SHTN1: variants seen among roughly 807,000 people sequenced by gnomAD.
The protein encoded by SHTN1 is shootin-1.
A neutral mutation model predicts 83.1 loss-of-function variants in SHTN1; 42 were observed. That is an observed-to-expected ratio of 0.51 (90% confidence interval 0.39 to 0.65). The LOEUF is 0.65. SHTN1 is among the 30% of genes least tolerant of loss of function. The pLI is 0.00. For missense variants in SHTN1, 622 were observed against 737.8 expected, an observed-to-expected ratio of 0.84 and a Z score of 1.82; for synonymous variants, 224 against 247.7, an observed-to-expected ratio of 0.90 and a Z score of 0.90.
At chr10:116,971,116 T>C (rs1053486343) in intron 2 of SHTN1, among the ~76,000 whole-genome samples, 1 of 152,194 alleles carries the variant, frequency 6.6e-6, no homozygotes, top group African/African-American at 2.4e-5. Flanking sequence ...TGAAATGTCA[T>C]ACTGTACCTG....
chr10:117,087,578 T>A (rs1260087678), intron 1 of SHTN1, among the ~76,000 whole-genome samples: 2 of 152,062 alleles, frequency 1.3e-5, no homozygotes, highest in African/African-American at 2.4e-5. Flanking sequence ...TACATAGAAA[T>A]CAACAAAAAG....
intron 3 of SHTN1, among the ~76,000 whole-genome samples, chr10:116,963,024 GAAT>G (rs1850239368): frequency 1.3e-5 from 1 of 79,262 alleles, no homozygotes; most frequent in Non-Finnish European, 2.5e-5. Context: ...TGCACATTTT[GAAT>G]AATAAAAGTT....
rs182309040 is a variant in SHTN1 at position 116,900,627 on chromosome 10, G to T, written c.1673+1138C>A. The T allele has an allele frequency of 2.3e-4, 356 of 1,523,064 alleles. 2 individuals are homozygous for T. In the African/African-American group the frequency reaches 4.3e-3, roughly 19 times the overall value. 94.3% of individuals were successfully genotyped at this position (1,523,064 alleles called of 1,614,324 possible). A position where few individuals can be genotyped will look rare whatever the true frequency, so the allele number is the denominator to read the frequency against. On this transcript the variant is annotated intron_variant, in intron 16 of 16. Transcript: ENST00000355371. ...AACTTGTCTCAGCCAAATTGCTTTTGTGTCTGGATATTGGTTCAAATGTAG... is the reference window on the plus strand; with the variant it reads ...AACTTGTCTCAGCCAAATTGCTTTTTTGTCTGGATATTGGTTCAAATGTAG...
intron 2 of SHTN1, among the ~76,000 whole-genome samples, chr10:117,027,601 C>A (rs956542921): frequency 1.3e-5 from 2 of 151,900 alleles, no homozygotes; most frequent in African/African-American, 4.8e-5. Context: ...CAGGTTCATG[C>A]CATTCTCCTG....
chr10:116,946,432 A>G (rs957859802), intron 7 of SHTN1, among the ~76,000 whole-genome samples: 3 of 146,284 alleles, frequency 2.1e-5, no homozygotes, highest in Non-Finnish European at 4.5e-5. Flanking sequence ...TATTAAATGT[A>G]AATAAATGTA....
chr10:117,071,403 T>C (rs1416067721), intron 1 of SHTN1, among the ~76,000 whole-genome samples: 2 of 152,220 alleles, frequency 1.3e-5, no homozygotes, highest in African/African-American at 4.8e-5. Context: ...TCAGGAACTA[T>C]GCTAGGACCG....
intron 1 of SHTN1, among the ~76,000 whole-genome samples, chr10:117,003,488 C>A (rs1851892555): frequency 6.6e-6 from 1 of 151,420 alleles, no homozygotes. Context: ...ATAATTTCCC[C>A]AGGGTCACAC....
chr10:116,994,769 A>G (rs1851568965), intron 1 of SHTN1, among the ~76,000 whole-genome samples: 1 of 152,068 alleles, frequency 6.6e-6, no homozygotes, highest in Non-Finnish European at 1.5e-5. Context: ...AATCTTTTTT[A>G]CAAACCTCCC....
intron 7 of SHTN1, among the ~76,000 whole-genome samples, chr10:116,946,989 G>A (rs942994835): frequency 1.3e-5 from 2 of 151,816 alleles, no homozygotes; most frequent in East Asian, 1.9e-4. Context: ...CCAAAGTGCT[G>A]GGATTACAGG....
chr10:117,084,374 T>A (rs1853316042), intron 1 of SHTN1, among the ~76,000 whole-genome samples: 1 of 152,226 alleles, frequency 6.6e-6, no homozygotes, highest in African/African-American at 2.4e-5. Context: ...AGGGACCCAC[T>A]TGAGGAGGCA....
chr10:117,090,706 C>T (rs1225752029), intron 1 of SHTN1, among the ~76,000 whole-genome samples: 3 of 150,738 alleles, frequency 2.0e-5, no homozygotes, highest in Non-Finnish European at 4.4e-5. Context: ...ATTTAAAATC[C>T]GCCCCGTCCT....
intron 9 of SHTN1, among the ~76,000 whole-genome samples, chr10:116,937,370 C>A (rs1392994600): frequency 6.6e-6 from 1 of 152,182 alleles, no homozygotes. Flanking sequence ...GTGACAAAAT[C>A]TCTCGGCATT....
intron 2 of SHTN1, among the ~76,000 whole-genome samples, chr10:117,037,186 C>A (rs1047279630): frequency 1.3e-5 from 2 of 152,104 alleles, no homozygotes. Context: ...TGCCTGTAGT[C>A]CCAGTGCTTG....
At chr10:116,975,632 T>G (rs1850775166) in intron 2 of SHTN1, among the ~76,000 whole-genome samples, 1 of 151,438 alleles carries the variant, frequency 6.6e-6, no homozygotes, top group Non-Finnish European at 1.5e-5. Context: ...TTGACTCCAT[T>G]CTCAAAGTCA....
At chr10:116,927,953 T>C (rs1848807369) in intron 10 of SHTN1, 62 bp from the exon 11 acceptor site, 17 of 1,561,882 alleles carry the variant, frequency 1.1e-5, no homozygotes, top group East Asian at 2.3e-5. Context: ...TGTTTATACA[T>C]GTGAAAAAAA....
At chr10:116,949,111 G>A (rs779577179) in intron 6 of SHTN1, 114 bp from the exon 7 acceptor site, 2 of 1,197,002 alleles carry the variant, frequency 1.7e-6, no homozygotes, top group Non-Finnish European at 2.2e-6. Flanking sequence ...ACAATTTAAA[G>A]CAGAAATTGG....
In SHTN1 at chr10:116,940,551, G is replaced by C; in HGVS notation, c.773C>G (p.Pro258Arg). The part of the protein sequence containing the change: ...QSHLLLQSSI[P>R]DQQLLKALDE... ...TAAAGCTTTCAAAAGCTGCTGATCA[G>C]GGATGGAGCTCTGCAGCAGAAGGTG... is the stretch of plus-strand genomic sequence containing the variant. The change falls in exon 9 of 17, where the codon CCT (proline) becomes CGT (arginine). Residue 258 changes from proline to arginine, a missense_variant. This residue lies in a region of SHTN1 where 383 missense variants were observed against 455.8 expected (regional missense o/e 0.84). Coordinates refer to ENST00000355371, the MANE Select transcript of SHTN1 (RefSeq NM_001127211.3). 2 of 1,613,974 alleles carry C rather than the reference G, an allele frequency of 1.2e-6. No individual in the cohort carries two copies. The highest frequency in any genetic ancestry group is 1.1e-5 in the South Asian group (1 of 91,064).
rs1432616419 is a variant in SHTN1, at chr10:116,951,533, C to T, written c.534+376G>A. Among the ~76,000 whole-genome samples, 6 of 152,320 alleles carry T rather than the reference C, an allele frequency of 3.9e-5. No homozygotes were observed. The East Asian group carries it at 1.2e-3, about 29-fold the overall frequency. On this transcript the variant is annotated intron_variant, in intron 6 of 16. Transcript: ENST00000355371. ...GGAGATGCACAGAGGGACAGTCCTT[C>T]CCAATTGAACCAGTCATTCACCGGA...
chr10:116,963,150 C>CA (rs1383818302), intron 3 of SHTN1, among the ~76,000 whole-genome samples: 1 of 131,666 alleles, frequency 7.6e-6, no homozygotes, highest in Non-Finnish European at 1.6e-5. Flanking sequence ...CGGCTCACTG[C>CA]AAGCTCCGCC....
Sources: gnomAD v4.1 joint callset for allele counts (sites outside exome capture counted in the v4.1 genomes callset) on GRCh38, gnomAD v4.1.1 for gene constraint, gnomAD v4.1.1 regional missense constraint, MANE v1.5 for transcripts, NCBI Gene and HGNC (gene_info 2026-07-23, HGNC 2026-07-21) for gene names.